YIPF1: variants seen among roughly 807,000 people sequenced by gnomAD.
YIPF1 encodes the protein protein YIPF1.
YIPF1 carries 22 observed loss-of-function variants against 37.0 expected under a neutral mutation model. The observed-to-expected ratio is 0.59, with a 90% CI of 0.42 to 0.85. The LOEUF (loss-of-function observed/expected upper bound fraction) is 0.85, where lower values mean the gene tolerates loss of function less well. Ranked by LOEUF, YIPF1 falls within the 40% of genes least tolerant of loss-of-function variation. YIPF1 has a pLI of 0.00. For synonymous variants in YIPF1, 128 were observed against 131.9 expected, an observed-to-expected ratio of 0.97 and a Z score of 0.21; for missense variants, 355 against 373.1, an observed-to-expected ratio of 0.95 and a Z score of 0.40.
intron 7 of YIPF1, among the ~76,000 whole-genome samples, chr1:53,867,599 C>CAG (rs1650066851): frequency 1.3e-5 from 2 of 152,028 alleles, no homozygotes; most frequent in South Asian, 4.1e-4. Flanking sequence ...GTCCTGACCT[C>CAG]GTGATCCGCC....
intron 4 of YIPF1, among the ~76,000 whole-genome samples, chr1:53,882,452 CTT>C (rs1274314565): frequency 6.7e-6 from 1 of 148,240 alleles, no homozygotes. Flanking sequence ...TCAATCTTTC[CTT>C]TTTTTTTTTT....
chr1:53,857,905 C>T (rs999560283), intron 10 of YIPF1, among the ~76,000 whole-genome samples: 3 of 150,090 alleles, frequency 2.0e-5, no homozygotes, highest in Non-Finnish European at 4.4e-5. Flanking sequence ...CTCTTGAACC[C>T]GGGAGGCAGA....
At chr1:53,855,135 T>G (rs1447035147) in intron 10 of YIPF1, 1 of 151,158 alleles carries the variant, frequency 6.6e-6, no homozygotes, top group Non-Finnish European at 1.5e-5. Context: ...ACAGGATAAC[T>G]GCATACAAAC....
chr1:53,866,061 A>G lies in YIPF1; in HGVS notation c.831+139T>C. ...GAGATCCGCCCACTTGGGCCTCCCA[A>G]AGTATTGGGATTATGGGTGTGAGCC... On this transcript the variant is annotated intron_variant, in intron 9 of 10. Coordinates refer to ENST00000072644, the MANE Select transcript of YIPF1 (RefSeq NM_018982.5). 8 of 1,110,978 alleles carry G rather than the reference A, an allele frequency of 7.2e-6. No individual in the cohort carries two copies. The South Asian group carries it at 1.3e-4, about 18-fold the overall frequency. 68.8% of individuals were successfully genotyped at this position (1,110,978 alleles called of 1,614,324 possible).
At chr1:53,883,529 A>G (rs768920462) in intron 3 of YIPF1, among the ~76,000 whole-genome samples, 7 of 152,212 alleles carry the variant, frequency 4.6e-5, no homozygotes, top group Non-Finnish European at 1.0e-4. Context: ...TACTAAATAC[A>G]CAAGCCTGAG....
intron 6 of YIPF1, among the ~76,000 whole-genome samples, chr1:53,875,668 A>G (rs1184381245): frequency 6.6e-6 from 1 of 152,042 alleles, no homozygotes; most frequent in Non-Finnish European, 1.5e-5. Context: ...CCCCCTGTTC[A>G]CTCTCATCCA....
rs139670932 is a variant in YIPF1, at chr1:53,866,264, C to T, written c.767G>A (p.Arg256His). 22 of 1,614,044 alleles carry T rather than the reference C, an allele frequency of 1.4e-5. No homozygotes were observed. The highest frequency in any genetic ancestry group is 1.3e-4 in the East Asian group (6 of 44,894). Residue 256 changes from arginine (R) to histidine (H), a missense_variant, in exon 9 of 11, where the codon CGC becomes CAC. By Grantham distance (29) the Arg-to-His change is conservative (BLOSUM62 0). Transcript: ENST00000072644. ...TGTCACAATTGTGGCCAATGCAACG[C>T]GTCGGTTATCCTCACGAACAGCTGG... is the stretch of plus-strand genomic sequence containing the variant. The part of the protein sequence containing the change: ...FWPAVREDNR[R>H]VALATIVTIV...
Position 53,878,421 on chromosome 1 carries a change from G to A in YIPF1, c.277-19C>T. The A allele has an allele frequency of 6.2e-7, 1 of 1,609,168 alleles. No individual in the cohort carries two copies. ...CAAAGACCTGGAAAACATCATAGCA[G>A]TAATTCTACTGAAGTTTTTTAAGTT... On this transcript the variant is annotated intron_variant, in intron 5 of 10. Transcript: ENST00000072644.
At chr1:53,887,499 G>T (rs1650687570) in intron 3 of YIPF1, among the ~76,000 whole-genome samples, 2 of 151,880 alleles carry the variant, frequency 1.3e-5, no homozygotes, top group Non-Finnish European at 2.9e-5. Context: ...GGATAAGGGA[G>T]GAAGCAGAAA....
chr1:53,879,298 T>G lies in YIPF1; in HGVS notation c.196-576A>C, dbSNP rs1650422818. On this transcript the variant is annotated intron_variant, in intron 4 of 10. Coordinates refer to ENST00000072644, the MANE Select transcript of YIPF1 (RefSeq NM_018982.5). ...TTGTAGAGACAGAGTCTCATTATTTTGCCCAGGCTGGTCTCAAACTCTTGG... is the reference window on the plus strand; with the variant it reads ...TTGTAGAGACAGAGTCTCATTATTTGGCCCAGGCTGGTCTCAAACTCTTGG... Among the ~76,000 whole-genome samples, 6 of 152,052 alleles carry G rather than the reference T, an allele frequency of 3.9e-5. No individual in the cohort carries two copies. In the South Asian group the frequency reaches 1.2e-3, roughly 32 times the overall value.
intron 7 of YIPF1, among the ~76,000 whole-genome samples, 199 bp from the exon 8 acceptor site, chr1:53,867,123 A>C (rs1557604656): frequency 6.6e-6 from 1 of 152,218 alleles, no homozygotes; most frequent in Non-Finnish European, 1.5e-5. Flanking sequence ...ATGTTTGTTG[A>C]ATTAATGAAT....
intron 6 of YIPF1, among the ~76,000 whole-genome samples, chr1:53,873,743 C>T (rs1488407040): frequency 6.6e-6 from 1 of 151,890 alleles, no homozygotes; most frequent in African/African-American, 2.4e-5. Flanking sequence ...CCTATAATCC[C>T]AGCACTTTGG....
At chr1:53,869,871 G>A (rs561749247) in intron 7 of YIPF1, among the ~76,000 whole-genome samples, 5 of 133,766 alleles carry the variant, frequency 3.7e-5, no homozygotes, top group South Asian at 2.4e-4. Flanking sequence ...CTTTCTCCCC[G>A]CTTTTTTTTT....
intron 10 of YIPF1, among the ~76,000 whole-genome samples, chr1:53,853,868 C>T (rs1649655610): frequency 6.6e-6 from 1 of 152,164 alleles, no homozygotes; most frequent in Non-Finnish European, 1.5e-5. Flanking sequence ...ATTTTATATT[C>T]ATAAATATAT....
chr1:53,862,752 T>A (rs1014484173), intron 9 of YIPF1, among the ~76,000 whole-genome samples: 4 of 152,172 alleles, frequency 2.6e-5, no homozygotes, highest in African/African-American at 9.7e-5. Flanking sequence ...TGTCTTCCAT[T>A]TACATGACTC....
chr1:53,882,593 G>A (rs2100741957), intron 4 of YIPF1, among the ~76,000 whole-genome samples: 1 of 152,078 alleles, frequency 6.6e-6, no homozygotes, highest in Non-Finnish European at 1.5e-5. Context: ...GAGTAGCTGG[G>A]GCTACAGGTG....
chr1:53,878,621 A>G (rs1460848549), intron 5 of YIPF1, 21 bp downstream of exon 5: 4 of 1,596,874 alleles, frequency 2.5e-6, no homozygotes, highest in Non-Finnish European at 3.4e-6. Context: ...GTAAAAGGAA[A>G]GGTGAAATTG....
chr1:53,889,054 A>G, intron 2 of YIPF1, 68 bp from the exon 3 acceptor site: 1 of 821,114 alleles, frequency 1.2e-6, no homozygotes, highest in Non-Finnish European at 2.0e-6. Context: ...ACTCTTATGT[A>G]TTAGAAATGG....
chr1:53,879,693 G>A (rs1024176774), intron 4 of YIPF1, among the ~76,000 whole-genome samples: 2 of 152,180 alleles, frequency 1.3e-5, no homozygotes, highest in Admixed American at 1.3e-4. Context: ...GCAGGACAAG[G>A]GCAGGTGCTA....
Sources: gnomAD v4.1 joint callset for allele counts (sites outside exome capture counted in the v4.1 genomes callset) on GRCh38, gnomAD v4.1.1 for gene constraint, MANE v1.5 for transcripts, NCBI Gene and HGNC (gene_info 2026-07-23, HGNC 2026-07-21) for gene names.